Variants in STOX2 observed in about 807,000 individuals in gnomAD.
STOX2 encodes storkhead-box protein 2.
Under a neutral mutation model 60.9 loss-of-function variants are expected in STOX2, and 28 were observed. The ratio of observed to expected loss-of-function variants is 0.46; its 90% CI spans 0.34 to 0.63. STOX2 has a LOEUF of 0.63. Among genes scored for constraint, STOX2 ranks in the 30% least tolerant of loss-of-function variants. The probability of loss-of-function intolerance (pLI) is 0.01; values close to 1 mark genes in which losing one functional copy is unlikely to be tolerated. For missense variants in STOX2, 1,024 were observed against 1,187.7 expected (o/e 0.86, Z 2.03); for synonymous variants, 472 against 463.9 (o/e 1.02, Z -0.22).
intron 1 of STOX2, among the ~76,000 whole-genome samples, chr4:183,953,186 AT>A (rs200679356): frequency 2.6e-5 from 4 of 151,894 alleles, no homozygotes; most frequent in South Asian, 2.1e-4. Context: ...TTAAAGTATA[AT>A]TTTAAAAAAA....
At chr4:183,959,191 A>G (rs761201883) in intron 1 of STOX2, among the ~76,000 whole-genome samples, 19 of 152,292 alleles carry the variant, frequency 1.2e-4, no homozygotes, top group Non-Finnish European at 2.5e-4. Flanking sequence ...TACAATGAAC[A>G]TAGCTTCGAA....
chr4:183,939,522 A>G (rs985642890), intron 1 of STOX2, among the ~76,000 whole-genome samples: 2 of 152,158 alleles, frequency 1.3e-5, no homozygotes, highest in African/African-American at 4.8e-5. Flanking sequence ...GTAAAGCCAC[A>G]TTCACAGATG....
In STOX2 at chr4:183,817,086, A is replaced by C. The variant is rs142197141; in HGVS notation, c.364+19031A>C. 2.6e-5 allele frequency among the ~76,000 whole-genome samples: 4 copies of C among 152,332 alleles called. No homozygotes were observed. In the East Asian group the frequency reaches 7.7e-4, roughly 29 times the overall value. On this transcript the variant is annotated intron_variant, in intron 1 of 2. Coordinates refer to the STOX2 transcript ENST00000513034. ...CAGCACATGCCTCAAGTCATGAGAGATGGAAAAGGACTACTGTTTTCTGCA... is the reference window on the plus strand; with the variant it reads ...CAGCACATGCCTCAAGTCATGAGAGCTGGAAAAGGACTACTGTTTTCTGCA...
intron 1 of STOX2, among the ~76,000 whole-genome samples, chr4:183,956,362 TTCTATCTATCTATCTATCTA>T (rs57987067): frequency 0.011 from 1,620 of 149,202 alleles, 33 homozygotes; most frequent in African/African-American, 0.038. Flanking sequence ...GCTGCATTTG[TTCTATCTATCTATCTATCTA>T]TCTATCTATC....
intron 1 of STOX2, among the ~76,000 whole-genome samples, chr4:183,811,477 A>G (rs1288748862): frequency 6.6e-6 from 1 of 152,226 alleles, no homozygotes; most frequent in East Asian, 1.9e-4. Context: ...CCTTTGGGTG[A>G]CAAGTTTTGG....
intron 1 of STOX2, among the ~76,000 whole-genome samples, chr4:183,964,193 T>G (rs1743496210): frequency 6.6e-6 from 1 of 152,216 alleles, no homozygotes; most frequent in Admixed American, 6.5e-5. Context: ...GATGATCTGC[T>G]TCAGAGAATA....
intron 1 of STOX2, among the ~76,000 whole-genome samples, chr4:183,890,956 A>T (rs1285487404): frequency 2.6e-5 from 4 of 152,032 alleles, no homozygotes; most frequent in Non-Finnish European, 5.9e-5. Context: ...AAAAAATTTT[A>T]AAAAATAGGT....
At chr4:183,891,735 C>T (rs1009636632) in intron 1 of STOX2, among the ~76,000 whole-genome samples, 168 of 152,036 alleles carry the variant, frequency 1.1e-3, no homozygotes, top group African/African-American at 3.8e-3. Context: ...CACACACCAC[C>T]TGTTCCTGAA....
chr4:183,954,918 TAGTAG>T (rs1173857417), intron 1 of STOX2, among the ~76,000 whole-genome samples: 3 of 151,698 alleles, frequency 2.0e-5, no homozygotes, highest in African/African-American at 7.3e-5. Flanking sequence ...TTTGTATTTT[TAGTAG>T]AGACGGAGTT....
chr4:183,870,328 C>T (rs1194385379), intron 1 of STOX2, among the ~76,000 whole-genome samples: 10 of 152,286 alleles, frequency 6.6e-5, no homozygotes, highest in Admixed American at 3.9e-4. Flanking sequence ...CTTGTAGTAA[C>T]GAAAAGCGTT....
chr4:184,003,060 A>G (rs1450177538), intron 2 of STOX2, among the ~76,000 whole-genome samples: 32 of 152,196 alleles, frequency 2.1e-4, no homozygotes, highest in Admixed American at 2.6e-4. Context: ...CTTTCCTTTT[A>G]GTAGTGAGAG....
intron 1 of STOX2, among the ~76,000 whole-genome samples, chr4:183,962,031 T>C (rs1052755002): frequency 6.6e-6 from 1 of 152,214 alleles, no homozygotes; most frequent in Non-Finnish European, 1.5e-5. Context: ...AGACAGGCAC[T>C]TTTTCTCTAT....
At position 184,009,056 on chromosome 4, in the gene STOX2, G is replaced by A; in HGVS notation, c.320-102G>A. The A allele has an allele frequency of 2.2e-6, 2 of 900,566 alleles. No individual in the cohort carries two copies. The highest frequency in any genetic ancestry group is 3.3e-6 in the Non-Finnish European group (2 of 600,160). The allele number at this position is 900,566 out of a possible 1,614,324, so 55.8% of individuals were successfully genotyped here. On this transcript the variant is annotated intron_variant, in intron 2 of 3. Transcript: ENST00000308497. This position sits in a 1 kb window ranked among gnomAD's most constrained non-coding sequence, Gnocchi z 4.0. ...TCTGAATTGTGCATCCTAGCTCTGT[G>A]ATGGTACTTCGCATCTTGGCGAATG...
chr4:183,838,081 C>T (rs866640536), intron 1 of STOX2, among the ~76,000 whole-genome samples: 52 of 151,478 alleles, frequency 3.4e-4, no homozygotes, highest in African/African-American at 1.1e-3. Flanking sequence ...ATAATTTTTA[C>T]GGTAAAAATA....
chr4:183,841,599 G>A (rs1006369187), intron 1 of STOX2, among the ~76,000 whole-genome samples: 5 of 152,118 alleles, frequency 3.3e-5, no homozygotes, highest in African/African-American at 1.2e-4. Flanking sequence ...ATTTTAAAAT[G>A]AGGTTCATTT....
intron 1 of STOX2, among the ~76,000 whole-genome samples, chr4:183,889,456 C>T (rs1030175652): frequency 3.3e-5 from 5 of 152,222 alleles, no homozygotes; most frequent in African/African-American, 1.2e-4. Context: ...TAACCTTGAT[C>T]ACAGACTTCT....
intron 1 of STOX2, among the ~76,000 whole-genome samples, chr4:183,918,817 C>T (rs1742006737): frequency 6.6e-6 from 1 of 152,180 alleles, no homozygotes; most frequent in Admixed American, 6.5e-5. Context: ...GGCAGCCAGG[C>T]CTGGGGCTCC....
upstream of STOX2, among the ~76,000 whole-genome samples, chr4:183,904,691 G>A (rs1001368255): frequency 1.3e-5 from 2 of 152,222 alleles, no homozygotes; most frequent in South Asian, 2.1e-4. Flanking sequence ...ATAGAGGGCG[G>A]TCTTGAGATC....
intron 1 of STOX2, among the ~76,000 whole-genome samples, chr4:183,860,442 C>CAAAAAAAAAAAAAAAAAAA (rs35753992): frequency 6.8e-4 from 82 of 121,156 alleles, no homozygotes; most frequent in Middle Eastern, 4.5e-3. Flanking sequence ...AAACAAAAAA[C>CAAAAAAAAAAAAAAAAAAA]AAAAAAAAAA....
Sources: allele counts gnomAD v4.1 joint callset (sites outside exome capture counted in the v4.1 genomes callset), GRCh38; gene constraint gnomAD v4.1.1; non-coding constraint Gnocchi (gnomAD v3.1); transcripts MANE v1.5; gene names NCBI Gene and HGNC (gene_info 2026-07-23, HGNC 2026-07-21).